Variants in PCDHA10 observed in about 807,000 individuals in gnomAD.
The protein encoded by PCDHA10 is protocadherin alpha-10.
Under a neutral mutation model 61.2 loss-of-function variants are expected in PCDHA10, and 45 were observed. The observed-to-expected ratio is 0.74, with a 90% CI of 0.58 to 0.94. The LOEUF (loss-of-function observed/expected upper bound fraction) is 0.94. Ranked by LOEUF, PCDHA10 falls within the 40% of genes least tolerant of loss-of-function variation. The pLI is 0.00. For missense variants in PCDHA10, 1,278 were observed against 1,236.2 expected (o/e 1.03, Z -0.51); for synonymous variants, 602 against 548.8 (o/e 1.10, Z -1.35).
chr5:140,961,736 T>C (rs1554225571), intron 1 of PCDHA10, among the ~76,000 whole-genome samples: 1 of 152,178 alleles, frequency 6.6e-6, no homozygotes. Context: ...ACAATCACTT[T>C]AGTAATATTA....
intron 1 of PCDHA10, among the ~76,000 whole-genome samples, chr5:140,939,071 G>C (rs1376380334): frequency 2.0e-5 from 3 of 152,140 alleles, no homozygotes; most frequent in African/African-American, 7.2e-5. Context: ...TATCAAAATA[G>C]CATAAACTGG....
chr5:140,919,231 C>T (rs984376374), intron 1 of PCDHA10, among the ~76,000 whole-genome samples: 1 of 152,160 alleles, frequency 6.6e-6, no homozygotes, highest in Admixed American at 6.6e-5. Context: ...TCTAGTAACA[C>T]TTTTTGTCTT....
At chr5:140,877,137 G>A in intron 1 of PCDHA10, 1 of 1,613,796 alleles carries the variant, frequency 6.2e-7, no homozygotes. Context: ...AGGTGTTCGT[G>A]CTGGACGAGA....
chr5:140,922,498 G>C (rs2080865421), intron 1 of PCDHA10, among the ~76,000 whole-genome samples: 1 of 152,230 alleles, frequency 6.6e-6, no homozygotes, highest in African/African-American at 2.4e-5. Context: ...CTGAGAGTGA[G>C]CAGATGCACC....
chr5:140,973,203 A>T (rs1554234958), intron 1 of PCDHA10, among the ~76,000 whole-genome samples: 1 of 152,196 alleles, frequency 6.6e-6, no homozygotes, highest in Non-Finnish European at 1.5e-5. Flanking sequence ...ATGTGTGCAT[A>T]TTCACCCTAA....
At chr5:140,963,128 T>A (rs1283011021) in intron 1 of PCDHA10, among the ~76,000 whole-genome samples, 1 of 152,144 alleles carries the variant, frequency 6.6e-6, no homozygotes, top group African/African-American at 2.4e-5. Context: ...AGAGATAATA[T>A]TAAATTATTT....
chr5:140,904,225 T>A (rs782022279), intron 1 of PCDHA10, among the ~76,000 whole-genome samples: 5 of 152,020 alleles, frequency 3.3e-5, no homozygotes, highest in Non-Finnish European at 5.9e-5. Context: ...CATTGTATTA[T>A]ACTTATGCCT....
At chr5:140,949,360 T>G (rs1178484553) in intron 1 of PCDHA10, among the ~76,000 whole-genome samples, 1 of 151,868 alleles carries the variant, frequency 6.6e-6, no homozygotes, top group South Asian at 2.1e-4. Context: ...TTTATTTTTT[T>G]GTCTAGTTGT....
At chr5:140,968,474 G>A (rs1394773296) in intron 1 of PCDHA10, 2 of 1,614,110 alleles carry the variant, frequency 1.2e-6, no homozygotes, top group Non-Finnish European at 1.7e-6. Flanking sequence ...CGTATATGTG[G>A]TGGACATGAA....
rs921095598 is a variant in PCDHA10 at position 140,929,476 on chromosome 5, T to C, written c.2389-49473T>C. 1.0e-5 allele frequency: 13 copies of C among 1,254,174 alleles called. No individual in the cohort carries two copies. In the African/African-American group the frequency reaches 2.0e-4, roughly 19 times the overall value. 77.7% of individuals were successfully genotyped at this position (1,254,174 alleles called of 1,614,324 possible). On this transcript the variant is annotated intron_variant, in intron 1 of 3. Coordinates refer to ENST00000307360, the MANE Select transcript of PCDHA10 (RefSeq NM_018901.4). ...CTTCCTGTGCCAAGAAATCTGGAAG[T>C]ATAGAAGTATTAGAAGATTGCCCTA...
chr5:140,952,724 C>G (rs1481919445), intron 1 of PCDHA10, among the ~76,000 whole-genome samples: 1 of 152,100 alleles, frequency 6.6e-6, no homozygotes, highest in Non-Finnish European at 1.5e-5. Context: ...ATTTTCTGTA[C>G]TAGTCTTTTC....
At position 141,010,340 on chromosome 5, in the gene PCDHA10, C is replaced by T. The variant is rs1400539624; in HGVS notation, c.*403C>T. 2 of 1,533,798 alleles carry T rather than the reference C, an allele frequency of 1.3e-6. No homozygotes were observed. Among genetic ancestry groups the T allele is most frequent in the Non-Finnish European group, 1.8e-6 (2 of 1,140,544 alleles). On this transcript the variant is annotated 3_prime_UTR_variant, in exon 4 of 4. Coordinates refer to ENST00000307360, the MANE Select transcript of PCDHA10 (RefSeq NM_018901.4). ...TGAGCAGCTTGGGAGTTTGTGGCCA[C>T]TGGGTATGTGTGGCTACCGCGGGTA...
chr5:140,951,773 A>T (rs1554220071), intron 1 of PCDHA10, among the ~76,000 whole-genome samples: 1 of 152,198 alleles, frequency 6.6e-6, no homozygotes, highest in East Asian at 1.9e-4. Context: ...TGACGTTCTT[A>T]CATTGCAAAA....
At chr5:140,883,027 G>A in intron 1 of PCDHA10, 1 of 1,614,126 alleles carries the variant, frequency 6.2e-7, no homozygotes, top group Non-Finnish European at 8.5e-7. Context: ...CGGTGTTAGA[G>A]AACGCCTTCA....
chr5:140,968,465 G>A lies in PCDHA10; in HGVS notation c.2389-10484G>A, dbSNP rs782606184. On this transcript the variant is annotated intron_variant, in intron 1 of 3. Coordinates refer to ENST00000307360, the MANE Select transcript of PCDHA10 (RefSeq NM_018901.4). ...ACTGAGCAGCACTGTGACTGCCAACGTATATGTGGTGGACATGAATGACCA... is the reference window on the plus strand; with the variant it reads ...ACTGAGCAGCACTGTGACTGCCAACATATATGTGGTGGACATGAATGACCA... 78 of 1,614,004 alleles carry A rather than the reference G, an allele frequency of 4.8e-5. No individual in the cohort carries two copies. Among genetic ancestry groups the A allele is most frequent in the Non-Finnish European group, 6.1e-5 (72 of 1,180,028 alleles).
intron 1 of PCDHA10, chr5:140,882,313 G>A (rs2059060330): frequency 1.2e-6 from 2 of 1,614,128 alleles, no homozygotes; most frequent in Non-Finnish European, 1.7e-6. Flanking sequence ...GGCAACTACT[G>A]CTCTGGCTTC....
intron 1 of PCDHA10, among the ~76,000 whole-genome samples, chr5:140,957,730 T>G (rs1044691694): frequency 6.6e-6 from 1 of 152,144 alleles, no homozygotes; most frequent in Non-Finnish European, 1.5e-5. Flanking sequence ...AGCAGAATTA[T>G]ATATACTGAC....
intron 1 of PCDHA10, among the ~76,000 whole-genome samples, chr5:140,924,901 A>AAAAAAAATAAAT (rs369245222): frequency 1.2e-5 from 1 of 80,456 alleles, no homozygotes; most frequent in Non-Finnish European, 2.7e-5. Flanking sequence ...TCTCAAAAAA[A>AAAAAAAATAAAT]AAAATAAAAT....
At chr5:140,893,575 T>C (rs930167579) in intron 1 of PCDHA10, among the ~76,000 whole-genome samples, 6 of 152,220 alleles carry the variant, frequency 3.9e-5, no homozygotes, top group Non-Finnish European at 7.3e-5. Flanking sequence ...CCTCAGTTTT[T>C]GCTTGTTTGG....
Sources: allele counts gnomAD v4.1 joint callset (sites outside exome capture counted in the v4.1 genomes callset), GRCh38; gene constraint gnomAD v4.1.1; transcripts MANE v1.5; gene names NCBI Gene and HGNC (gene_info 2026-07-23, HGNC 2026-07-21).